PIGL: variants seen among roughly 807,000 people sequenced by gnomAD.
PIGL encodes N-acetylglucosaminyl-phosphatidylinositol de-N-acetylase.
A neutral mutation model predicts 31.1 loss-of-function variants in PIGL; 22 were observed. That is an observed-to-expected ratio of 0.71 (90% CI 0.51 to 1.01). The LOEUF (loss-of-function observed/expected upper bound fraction) is 1.01, where lower values mean the gene tolerates loss of function less well. Among genes scored for constraint, PIGL ranks in the 50% least tolerant of loss-of-function variants. The pLI, the probability that PIGL is intolerant of heterozygous loss-of-function variation, is 0.00. For missense variants in PIGL, 302 were observed against 315.9 expected (o/e 0.96, Z 0.33); for synonymous variants, 131 against 117.4 (o/e 1.12, Z -0.75).
At chr17:16,228,381 A>C (rs975922596) in intron 1 of PIGL, among the ~76,000 whole-genome samples, 1 of 150,976 alleles carries the variant, frequency 6.6e-6, no homozygotes, top group Admixed American at 6.6e-5. Flanking sequence ...TTATTTCTTT[A>C]TTTATTTTAT....
intron 2 of PIGL, among the ~76,000 whole-genome samples, chr17:16,273,887 T>C (rs897006403): frequency 2.6e-5 from 4 of 152,160 alleles, no homozygotes; most frequent in African/African-American, 7.2e-5. Context: ...AACTAAGCCA[T>C]TGGAAACTTT....
At chr17:16,232,576 T>G (rs563896641) in intron 1 of PIGL, among the ~76,000 whole-genome samples, 1 of 152,244 alleles carries the variant, frequency 6.6e-6, no homozygotes, top group Admixed American at 6.6e-5. Flanking sequence ...CACATTAGCC[T>G]CAATTCTAAG....
At chr17:16,218,676 TC>T (rs1402438054) in intron 1 of PIGL, among the ~76,000 whole-genome samples, 1 of 128,858 alleles carries the variant, frequency 7.8e-6, no homozygotes, top group South Asian at 3.0e-4. Context: ...GCCAACTTAC[TC>T]TTTTTTTTTT....
At chr17:16,238,940 G>A (rs1260251651) in intron 2 of PIGL, among the ~76,000 whole-genome samples, 13 of 142,396 alleles carry the variant, frequency 9.1e-5, no homozygotes, top group African/African-American at 2.0e-4. Context: ...ACGGGGTTTC[G>A]CCATGTTGGC....
intron 2 of PIGL, among the ~76,000 whole-genome samples, chr17:16,286,291 A>G (rs1288388779): frequency 1.3e-5 from 2 of 152,362 alleles, no homozygotes; most frequent in East Asian, 3.9e-4. Flanking sequence ...CCAGCAGCGG[A>G]GGCTGCGAAG....
At chr17:16,217,646 A>AT in intron 1 of PIGL, 185 bp downstream of exon 1, 16 of 511,576 alleles carry the variant, frequency 3.1e-5, no homozygotes, top group South Asian at 1.3e-4. Context: ...GGGTTGGGGG[A>AT]CGTCGGCAGC....
At chr17:16,322,938 C>CTGT (rs1026586385) in intron 6 of PIGL, among the ~76,000 whole-genome samples, 1 of 152,182 alleles carries the variant, frequency 6.6e-6, no homozygotes, top group Non-Finnish European at 1.5e-5. Context: ...GCACAAGAGG[C>CTGT]TGTAATGTGC....
intron 6 of PIGL, among the ~76,000 whole-genome samples, chr17:16,321,342 G>T (rs2093105105): frequency 6.6e-6 from 1 of 150,452 alleles, no homozygotes; most frequent in South Asian, 2.1e-4. Context: ...CTGGGTTCAA[G>T]TGATTTTTCT....
At chr17:16,311,956 C>G (rs2093052596) in intron 3 of PIGL, among the ~76,000 whole-genome samples, 1 of 152,214 alleles carries the variant, frequency 6.6e-6, no homozygotes, top group African/African-American at 2.4e-5. Flanking sequence ...ATGGCCCGTT[C>G]TCAATGAGCT....
intron 2 of PIGL, among the ~76,000 whole-genome samples, chr17:16,271,996 G>C (rs1050758311): frequency 6.6e-6 from 1 of 152,086 alleles, no homozygotes; most frequent in Non-Finnish European, 1.5e-5. Flanking sequence ...AAAGCACTGT[G>C]ATTATAAGTA....
At position 16,319,858 on chromosome 17, in the gene PIGL, G is replaced by A. The variant is rs536555696; in HGVS notation, c.660+1950G>A. 2.0e-5 allele frequency among the ~76,000 whole-genome samples: 3 copies of A among 152,136 alleles called. No individual in the cohort carries two copies. In the South Asian group the frequency reaches 6.2e-4, roughly 32 times the overall value. On this transcript the variant is annotated intron_variant, in intron 6 of 6. Coordinates refer to ENST00000225609, the MANE Select transcript of PIGL (RefSeq NM_004278.4). The stretch of plus-strand genomic sequence containing the variant: ...GTCATCCTAGGGAAAACTCTTAGCT[G>A]TCCATGGAACAGGTGACTGAGTGCC...
intron 1 of PIGL, among the ~76,000 whole-genome samples, chr17:16,227,884 A>T (rs1024569645): frequency 1.3e-4 from 20 of 151,734 alleles, no homozygotes; most frequent in African/African-American, 4.8e-4. Context: ...CAGCCTTTTT[A>T]ATTTTTTTCT....
chr17:16,313,559 G>C lies in PIGL; in HGVS notation c.439G>C (p.Asp147His). 6.2e-7 allele frequency: 1 copy of C among 1,613,806 alleles called. No individual in the cohort carries two copies. The stretch of plus-strand genomic sequence containing the variant: ...TGTTTCTCTACAGGTGGTGACTTTC[G>C]ATGCAGGGGGAGTAAGTGGCCACAG... ...VNGINLVVTF[D>H]AGGVSGHSNH... The change falls in exon 4 of 7, where the codon GAT (aspartate) becomes CAT (histidine). Residue 147 changes from aspartate to histidine, a missense_variant. By Grantham distance (81) the Asp-to-His change is moderately conservative. Coordinates refer to ENST00000225609, the MANE Select transcript of PIGL (RefSeq NM_004278.4).
intron 2 of PIGL, among the ~76,000 whole-genome samples, chr17:16,289,841 A>C (rs1030148257): frequency 1.3e-5 from 2 of 152,186 alleles, no homozygotes; most frequent in Non-Finnish European, 2.9e-5. Flanking sequence ...CAGTGGCACG[A>C]TCTTGGCTCA....
At position 16,253,083 on chromosome 17, in the gene PIGL, G is replaced by A. The variant is rs527773952; in HGVS notation, c.335+19013G>A. Among the ~76,000 whole-genome samples, 23 of 152,254 alleles carry A rather than the reference G, an allele frequency of 1.5e-4. 1 individual carries two copies. In the South Asian group the frequency reaches 4.8e-3, roughly 32 times the overall value. ...AAATACAAAATTAGCTTGGGGTGAT[G>A]GCGCATGCCTGGCTGAGGCGGGTGG... On this transcript the variant is annotated intron_variant, in intron 2 of 6. Transcript: ENST00000225609.
At chr17:16,257,209 G>T (rs941859448) in intron 2 of PIGL, among the ~76,000 whole-genome samples, 3 of 152,140 alleles carry the variant, frequency 2.0e-5, no homozygotes, top group Non-Finnish European at 2.9e-5. Flanking sequence ...CTGAGGTCAG[G>T]AGTTCGAGAC....
chr17:16,217,730 G>C (rs138117699), intron 1 of PIGL: 1 of 452,752 alleles, frequency 2.2e-6, no homozygotes, highest in Non-Finnish European at 4.0e-6. Context: ...CTGCATTTCC[G>C]TTGGGAACTC....
chr17:16,248,748 A>G (rs1600774734), intron 2 of PIGL, among the ~76,000 whole-genome samples: 1 of 152,188 alleles, frequency 6.6e-6, no homozygotes, highest in East Asian at 1.9e-4. Context: ...CCACTTGCAC[A>G]TTTTTATGTA....
intron 2 of PIGL, among the ~76,000 whole-genome samples, chr17:16,269,699 G>A (rs2092862075): frequency 6.7e-6 from 1 of 150,338 alleles, no homozygotes; most frequent in Non-Finnish European, 1.5e-5. Flanking sequence ...ATAAAACACA[G>A]ATACCTAGGC....
Sources: gnomAD v4.1 joint callset for allele counts (sites outside exome capture counted in the v4.1 genomes callset) on GRCh38, gnomAD v4.1.1 for gene constraint, MANE v1.5 for transcripts, NCBI Gene and HGNC (gene_info 2026-07-23, HGNC 2026-07-21) for gene names.